Variants in EEF1D observed in about 807,000 individuals in gnomAD.
The protein encoded by EEF1D is eukaryotic translation elongation factor 1 delta, also known as elongation factor 1-delta.
A neutral mutation model predicts 63.9 loss-of-function variants in EEF1D; 47 were observed. That is an observed-to-expected ratio of 0.74 (90% confidence interval 0.58 to 0.94). The LOEUF (loss-of-function observed/expected upper bound fraction) is 0.94, where lower values mean the gene tolerates loss of function less well. EEF1D is among the 40% of genes least tolerant of loss of function. EEF1D has a pLI of 0.00. For synonymous variants in EEF1D, 412 were observed against 386.1 expected (o/e 1.07, Z -0.79); for missense variants, 907 against 899.0 (o/e 1.01, Z -0.11).
chr8:143,593,356 C>T (rs990841979), intron 1 of EEF1D, among the ~76,000 whole-genome samples: 9 of 152,204 alleles, frequency 5.9e-5, no homozygotes, highest in South Asian at 2.1e-4. Context: ...CCTAATCTCA[C>T]CAGAGCCACC....
At chr8:143,587,701 C>G (rs1021958599) in intron 3 of EEF1D, 5 of 152,248 alleles carry the variant, frequency 3.3e-5, no homozygotes, top group African/African-American at 7.2e-5. Context: ...GTCCTGAGAG[C>G]AAGAAGGTTG....
At chr8:143,583,695 G>GGTGGCT (rs57720734) in intron 5 of EEF1D, 42,044 of 151,820 alleles carry the variant, frequency 0.28, 6,295 homozygotes, top group African/African-American at 0.39. Context: ...CACACCCCTA[G>GGTGGCT]GTGGCTGTGG....
intron 1 of EEF1D, among the ~76,000 whole-genome samples, chr8:143,595,517 T>C (rs768480963): frequency 3.3e-5 from 5 of 152,174 alleles, no homozygotes; most frequent in African/African-American, 4.8e-5. Context: ...TTTGGTCTTT[T>C]TAAGAGAAAA....
At chr8:143,583,611 C>T (rs1040996775) in intron 5 of EEF1D, 1 of 152,312 alleles carries the variant, frequency 6.6e-6, no homozygotes, top group African/African-American at 2.4e-5. Context: ...GAGCACCCCA[C>T]CTGGCAGACA....
In EEF1D at chr8:143,589,572, G is replaced by A. The variant is rs370356009; in HGVS notation, c.510C>T (p.Phe170=). 108 of 1,516,778 alleles carry A rather than the reference G, an allele frequency of 7.1e-5. No homozygotes were observed. Among genetic ancestry groups the A allele is most frequent in the Non-Finnish European group, 8.3e-5 (94 of 1,132,452 alleles). 94.0% of individuals were successfully genotyped at this position (1,516,778 alleles called of 1,614,324 possible). A position where few individuals can be genotyped will look rare whatever the true frequency, so the allele number is the denominator to read the frequency against. ...CCACGAAGGCCCGCTCAGCCTGGTCGAAGGAGGACTTGTTGACCCAGATCC... is the reference window on the plus strand; with the variant it reads ...CCACGAAGGCCCGCTCAGCCTGGTCAAAGGAGGACTTGTTGACCCAGATCC... ...TWGIWVNKSS[F]DQAERAFVEW... is the part of the protein sequence containing the mutation. Residue 170 remains phenylalanine, a synonymous_variant, in exon 3 of 10, where the codon TTC becomes TTT. Coordinates refer to ENST00000618139, the MANE Select transcript of EEF1D (RefSeq NM_001130053.5).
intron 8 of EEF1D, 24 bp downstream of exon 8, chr8:143,580,482 T>A (rs758585267): frequency 7.5e-6 from 12 of 1,603,750 alleles, no homozygotes; most frequent in Non-Finnish European, 8.5e-6. Flanking sequence ...CCTGGCCCCC[T>A]GAAGCCCCAC....
At chr8:143,593,097 C>T (rs943089296) in intron 1 of EEF1D, among the ~76,000 whole-genome samples, 1 of 152,182 alleles carries the variant, frequency 6.6e-6, no homozygotes, top group Non-Finnish European at 1.5e-5. Flanking sequence ...CTCACCTGCA[C>T]TGCCCCTGTG....
At chr8:143,585,305 A>G (rs1400996748) in intron 5 of EEF1D, among the ~76,000 whole-genome samples, 1 of 152,268 alleles carries the variant, frequency 6.6e-6, no homozygotes, top group African/African-American at 2.4e-5. Flanking sequence ...GCGAGATGGA[A>G]GTGGAGGCGG....
chr8:143,595,255 G>A (rs1394605507), intron 1 of EEF1D, among the ~76,000 whole-genome samples: 1 of 152,160 alleles, frequency 6.6e-6, no homozygotes, highest in Non-Finnish European at 1.5e-5. Flanking sequence ...ATTTTTAGTA[G>A]AGATGGGGTT....
chr8:143,589,479 C>G lies in EEF1D; in HGVS notation c.603G>C (p.Gln201His), dbSNP rs751618604. The G allele has an allele frequency of 8.8e-5, 134 of 1,530,104 alleles. No homozygotes were observed. Among genetic ancestry groups the G allele is most frequent in the Non-Finnish European group, 1.2e-5 (14 of 1,134,948 alleles). 94.8% of individuals were successfully genotyped at this position (1,530,104 alleles called of 1,614,324 possible). A position where few individuals can be genotyped will look rare whatever the true frequency, so the allele number is the denominator to read the frequency against. The change falls in exon 3 of 10, where the codon CAG (glutamine) becomes CAC (histidine). Residue 201 changes from glutamine to histidine, a missense_variant. Transcript: ENST00000618139. ...GGGCCAGGTCGGGGACGGCCACCTG[C>G]TGGCCTGTGTTGGGAGTCCCCTGCC... ...SRRQGTPNTGQQVAVPDLAHQ... is the reference protein window; with the variant it reads ...SRRQGTPNTGHQVAVPDLAHQ...
chr8:143,586,271 A>T lies in EEF1D; in HGVS notation c.1235T>A (p.Ile412Asn). 6.2e-7 allele frequency: 1 copy of T among 1,607,956 alleles called. No homozygotes were observed. The highest frequency in any genetic ancestry group is 8.5e-7 in the Non-Finnish European group (1 of 1,177,960). ...ASRQENGASV[I>N]LRDIARAREN... ...TCTGGCTCTCGCAATGTCACGGAGG[A>T]TCACGCTGGCGCCGTTCTCCTGCAG... Residue 412 changes from isoleucine to asparagine, a missense_variant, in exon 5 of 10, where the codon ATC becomes AAC. Coordinates refer to ENST00000618139, the MANE Select transcript of EEF1D (RefSeq NM_001130053.5).
rs547409545 is a variant in EEF1D at position 143,592,777 on chromosome 8, C to T, written c.-14-117G>A. 349 of 881,230 alleles carry T rather than the reference C, an allele frequency of 4.0e-4. No individual in the cohort carries two copies. The African/African-American group carries it at 5.8e-3, about 15-fold the overall frequency. 54.6% of individuals were successfully genotyped at this position (881,230 alleles called of 1,614,324 possible). A position where few individuals can be genotyped will look rare whatever the true frequency, so the allele number is the denominator to read the frequency against. Reference sequence around the variant, plus strand: ...GGGGGCCTTTCCAGAAGCTGCTTGGCGAGGTGGTGTGGAGGTGACACTGGT... The same window carrying T: ...GGGGGCCTTTCCAGAAGCTGCTTGGTGAGGTGGTGTGGAGGTGACACTGGT... On this transcript the variant is annotated intron_variant, in intron 1 of 9. Transcript: ENST00000618139.
chr8:143,595,845 G>A (rs1038596721), intron 1 of EEF1D, among the ~76,000 whole-genome samples: 2 of 152,188 alleles, frequency 1.3e-5, no homozygotes, highest in African/African-American at 4.8e-5. Flanking sequence ...CACCTCACAC[G>A]GCACCCTTGG....
Position 143,581,320 on chromosome 8 carries a change from G to T in EEF1D, c.1296C>A (p.Gly432=), listed in dbSNP as rs1435470728. The T allele has an allele frequency of 5.6e-6, 9 of 1,611,098 alleles. No homozygotes were observed. The highest frequency in any genetic ancestry group is 6.8e-6 in the Non-Finnish European group (8 of 1,179,800). ...NIQKSLAGSS[G]PGASSGTSGD... ...CGCTGGTGCCGCTGGAGGCCCCGGG[G>T]CCTGAGCTCTGCAAGGCAGGAGGAG... is the stretch of plus-strand genomic sequence containing the variant. Residue 432 remains glycine (G), a synonymous_variant, in exon 6 of 10, where the codon GGC becomes GGA. Transcript: ENST00000618139.
rs770641443 is a variant in EEF1D, at chr8:143,589,214, C to T, written c.868G>A (p.Gly290Arg). 70 of 1,582,918 alleles carry T rather than the reference C, an allele frequency of 4.4e-5. 1 individual carries two copies. In the African/African-American group the frequency reaches 7.1e-4, roughly 16 times the overall value. The change falls in exon 3 of 10, where the codon GGG becomes AGG. Residue 290 changes from glycine (G) to arginine (R), a missense_variant. By Grantham distance (125) the Gly-to-Arg change is moderately radical. Transcript: ENST00000618139. ...GCCTCCCCATCGGCCCGTCGCAGCC[C>T]GGCCCGCTTGTTCCCTAAGATGTTG... ...GRNILGNKRAGLRRADGEAPS... is the reference protein window; with the variant it reads ...GRNILGNKRARLRRADGEAPS...
intron 5 of EEF1D, among the ~76,000 whole-genome samples, chr8:143,585,347 G>T (rs761588128): frequency 2.5e-4 from 38 of 152,266 alleles, no homozygotes; most frequent in South Asian, 6.2e-4. Flanking sequence ...TGAGCACCTT[G>T]AAACAAGCAA....
rs118043961 is a variant in EEF1D, at chr8:143,593,981, C to T, written c.-14-1321G>A. On this transcript the variant is annotated intron_variant, in intron 1 of 9. Coordinates refer to ENST00000618139, the MANE Select transcript of EEF1D (RefSeq NM_001130053.5). ...GCCTCTCCTCTCCAGCAGGAGAGCC[C>T]GGAGCAGGACACAGCGACTCTTTCA... The T allele has an allele frequency of 2.1e-5, 19 of 926,270 alleles. No individual in the cohort carries two copies. The highest frequency in any genetic ancestry group is 1.2e-4 in the Admixed American group (2 of 16,212). The allele number at this position is 926,270 out of a possible 1,614,324, so 57.4% of individuals were successfully genotyped here. A position where few individuals can be genotyped will look rare whatever the true frequency, so the allele number is the denominator to read the frequency against.
intron 2 of EEF1D, among the ~76,000 whole-genome samples, chr8:143,591,882 T>C (rs1828025947): frequency 1.3e-5 from 2 of 152,244 alleles, no homozygotes; most frequent in Non-Finnish European, 2.9e-5. Context: ...GGGAGGACTT[T>C]TGGGAAGGCA....
intron 1 of EEF1D, among the ~76,000 whole-genome samples, chr8:143,595,849 C>T (rs1828714528): frequency 6.6e-6 from 1 of 152,242 alleles, no homozygotes; most frequent in South Asian, 2.1e-4. Context: ...TCACACGGCA[C>T]CCTTGGCTGT....
Sources: gnomAD v4.1 joint callset for allele counts (sites outside exome capture counted in the v4.1 genomes callset) on GRCh38, gnomAD v4.1.1 for gene constraint, MANE v1.5 for transcripts, NCBI Gene and HGNC (gene_info 2026-07-23, HGNC 2026-07-21) for gene names.